CNBD1: variants seen among roughly 807,000 people sequenced by gnomAD.
CNBD1 encodes the protein cyclic nucleotide-binding domain-containing protein 1.
CNBD1 carries 71 observed loss-of-function variants against 54.4 expected under a neutral mutation model. The observed-to-expected ratio is 1.30, with a 90% CI of 1.08 to 1.59. CNBD1 has a LOEUF of 1.59. CNBD1 is among the 40% of genes most tolerant of loss of function. The pLI is 0.00. For synonymous variants in CNBD1, 182 were observed against 170.7 expected (o/e 1.07, Z -0.51); for missense variants, 659 against 518.0 (o/e 1.27, Z -2.64).
intron 10 of CNBD1, among the ~76,000 whole-genome samples, chr8:87,368,698 T>A (rs1486625894): frequency 2.6e-5 from 4 of 151,938 alleles, no homozygotes; most frequent in African/African-American, 9.7e-5. Context: ...TAGCACCTGC[T>A]TCTATTAGCC....
intron 4 of CNBD1, among the ~76,000 whole-genome samples, chr8:87,188,264 C>A (rs1301105205): frequency 1.3e-5 from 2 of 152,202 alleles, no homozygotes; most frequent in African/African-American, 2.4e-5. Context: ...ACACATAGTA[C>A]TCTGCCTTTT....
At chr8:86,987,103 G>T (rs553718016) in intron 4 of CNBD1, among the ~76,000 whole-genome samples, 3 of 152,132 alleles carry the variant, frequency 2.0e-5, no homozygotes, top group Admixed American at 6.6e-5. Flanking sequence ...ATTTTGGGTA[G>T]TGTGGCCATT....
At chr8:87,112,729 T>C (rs1811688860) in intron 4 of CNBD1, among the ~76,000 whole-genome samples, 2 of 146,670 alleles carry the variant, frequency 1.4e-5, no homozygotes, top group South Asian at 4.3e-4. Flanking sequence ...TCCTGCTTCA[T>C]CATGCCAGGG....
At chr8:86,931,338 G>A (rs1250669149) in intron 3 of CNBD1, among the ~76,000 whole-genome samples, 1 of 152,198 alleles carries the variant, frequency 6.6e-6, no homozygotes, top group South Asian at 2.1e-4. Context: ...CTTGCCCTGA[G>A]GACCCTCAGT....
chr8:87,044,721 G>A (rs1810145189), intron 4 of CNBD1: 1 of 152,136 alleles, frequency 6.6e-6, no homozygotes, highest in South Asian at 2.1e-4. Flanking sequence ...TTTTAGGTCA[G>A]TTCCCCTCCC....
intron 4 of CNBD1, among the ~76,000 whole-genome samples, chr8:87,000,283 T>C (rs1472458558): frequency 6.6e-6 from 1 of 152,176 alleles, no homozygotes; most frequent in Non-Finnish European, 1.5e-5. Flanking sequence ...ACACTCTCTG[T>C]AGGCTGTCAC....
chr8:86,887,661 T>A (rs1563811172), intron 2 of CNBD1, 50 bp downstream of exon 2: 4 of 1,331,182 alleles, frequency 3.0e-6, no homozygotes, highest in Non-Finnish European at 3.1e-6. Flanking sequence ...AATATGAGTA[T>A]TTTTGTTTTA....
intron 1 of CNBD1, among the ~76,000 whole-genome samples, chr8:86,885,495 T>C (rs1189160293): frequency 6.6e-6 from 1 of 152,132 alleles, no homozygotes. Context: ...CTAAGGCAAA[T>C]CCATCAGGAA....
At chr8:87,161,889 C>T (rs955160085) in intron 4 of CNBD1, among the ~76,000 whole-genome samples, 3 of 152,080 alleles carry the variant, frequency 2.0e-5, no homozygotes, top group African/African-American at 7.2e-5. Flanking sequence ...TTCTAAAACA[C>T]AATCTTAGAT....
At chr8:87,375,664 G>T (rs1212471124) in intron 10 of CNBD1, among the ~76,000 whole-genome samples, 1 of 151,824 alleles carries the variant, frequency 6.6e-6, no homozygotes, top group Non-Finnish European at 1.5e-5. Flanking sequence ...AGAAATGAAT[G>T]AAATTCATTA....
chr8:87,033,804 C>T (rs1258711390), intron 4 of CNBD1, among the ~76,000 whole-genome samples: 2 of 152,116 alleles, frequency 1.3e-5, no homozygotes, highest in African/African-American at 2.4e-5. Context: ...AGCTGCTTCT[C>T]CTGTTAACTT....
chr8:86,924,888 T>C (rs1054277787), intron 3 of CNBD1, among the ~76,000 whole-genome samples: 3 of 152,192 alleles, frequency 2.0e-5, no homozygotes, highest in Non-Finnish European at 4.4e-5. Flanking sequence ...GGAAAATGTA[T>C]TGCTACTTTA....
chr8:87,058,658 C>T (rs563702853), intron 4 of CNBD1, among the ~76,000 whole-genome samples: 2 of 152,262 alleles, frequency 1.3e-5, no homozygotes, highest in South Asian at 2.1e-4. Context: ...CTCAGCTGTA[C>T]CTTGGTCCCT....
At chr8:87,337,505 A>G (rs1809970381) in intron 8 of CNBD1, among the ~76,000 whole-genome samples, 1 of 152,194 alleles carries the variant, frequency 6.6e-6, no homozygotes. Context: ...AGCAGTGGTG[A>G]TGGCCATTCC....
chr8:87,154,796 T>A (rs1413787102), intron 4 of CNBD1, among the ~76,000 whole-genome samples: 1 of 152,136 alleles, frequency 6.6e-6, no homozygotes, highest in Non-Finnish European at 1.5e-5. Context: ...GAAGGTCAGA[T>A]CATGAAGACC....
chr8:87,010,674 G>A (rs1284647684), intron 4 of CNBD1, among the ~76,000 whole-genome samples: 3 of 152,150 alleles, frequency 2.0e-5, no homozygotes, highest in Admixed American at 6.5e-5. Flanking sequence ...GAACCTGGGA[G>A]GCAGAGGTTA....
At chr8:87,025,659 A>G (rs1217582513) in intron 4 of CNBD1, among the ~76,000 whole-genome samples, 1 of 152,108 alleles carries the variant, frequency 6.6e-6, no homozygotes, top group Non-Finnish European at 1.5e-5. Context: ...TCAGCAAGAC[A>G]ACGAACCCAG....
intron 8 of CNBD1, among the ~76,000 whole-genome samples, chr8:87,341,306 C>G (rs936448314): frequency 6.6e-6 from 1 of 152,036 alleles, no homozygotes; most frequent in Non-Finnish European, 1.5e-5. Context: ...CATCAGTGCT[C>G]TGAGAGAGAT....
chr8:86,894,313 G>T (rs548358950), intron 2 of CNBD1, among the ~76,000 whole-genome samples: 1 of 149,488 alleles, frequency 6.7e-6, no homozygotes, highest in South Asian at 2.1e-4. Context: ...CACCCGCCTC[G>T]GCCTCCCGAA....
Sources: allele counts gnomAD v4.1 joint callset (sites outside exome capture counted in the v4.1 genomes callset), GRCh38; gene constraint gnomAD v4.1.1; transcripts MANE v1.5; gene names NCBI Gene and HGNC (gene_info 2026-07-23, HGNC 2026-07-21).